The following CAD variants were observed in gnomAD, a reference collection of about 807,000 sequenced individuals.
CAD encodes the protein multifunctional protein CAD.
Under a neutral mutation model 237.2 loss-of-function variants are expected in CAD, and 81 were observed. The ratio of observed to expected loss-of-function variants is 0.34; its 90% confidence interval spans 0.29 to 0.41. The LOEUF is 0.41. Ranked by LOEUF, CAD falls within the 10% of genes least tolerant of loss-of-function variation. CAD has a pLI of 1.00. For missense variants in CAD, 2,181 were observed against 2,951.7 expected (o/e 0.74, Z 6.05); for synonymous variants, 1,196 against 1,162.8 (o/e 1.03, Z -0.58).
At chr2:27,226,707 T>C in intron 14 of CAD, 58 bp downstream of exon 14, 2 of 1,608,886 alleles carry the variant, frequency 1.2e-6, no homozygotes, top group Non-Finnish European at 1.7e-6. Flanking sequence ...GAGGAAAATA[T>C]TGATGGGACA....
Position 27,218,014 on chromosome 2 carries a change from A to G in CAD, c.220A>G (p.Lys74Glu). Residue 74 changes from lysine to glutamate, a missense_variant and splice_region_variant, in exon 2 of 44, where the codon AAG becomes GAG. Coordinates refer to ENST00000264705, the MANE Select transcript of CAD (RefSeq NM_004341.5). ...TGAAATGGATGAGTTCGGTCTCTGCAAGGTAGCCACACCCAGTGCTTTCTC... is the reference window on the plus strand; with the variant it reads ...TGAAATGGATGAGTTCGGTCTCTGCGAGGTAGCCACACCCAGTGCTTTCTC... ...PDEMDEFGLCKWFESSGIHVA... is the reference protein window; with the variant it reads ...PDEMDEFGLCEWFESSGIHVA... The G allele has an allele frequency of 6.3e-7, 1 of 1,598,602 alleles. No individual in the cohort carries two copies. The highest frequency in any genetic ancestry group is 1.1e-5 in the South Asian group (1 of 88,808).
In CAD at chr2:27,235,456, G is replaced by T; in HGVS notation, c.3969+29G>T. 6.2e-7 allele frequency: 1 copy of T among 1,608,158 alleles called. No homozygotes were observed. Among genetic ancestry groups the T allele is most frequent in the Non-Finnish European group, 8.5e-7 (1 of 1,175,716 alleles). ...TCAGAATCCAGGAGGGCTTCCCGAG[G>T]GCCGTGGCTCCCTGGGCCAGGGCTG... is the stretch of plus-strand genomic sequence containing the variant. On this transcript the variant is annotated intron_variant, in intron 24 of 43. Coordinates refer to ENST00000264705, the MANE Select transcript of CAD (RefSeq NM_004341.5). The surrounding 1 kb of genome is among the most constrained non-coding windows in gnomAD (Gnocchi z 5.2).
chr2:27,242,128 G>T lies in CAD; in HGVS notation c.6096+5G>T, dbSNP rs1309035847. 6.2e-7 allele frequency: 1 copy of T among 1,611,990 alleles called. No individual in the cohort carries two copies. The highest frequency in any genetic ancestry group is 8.5e-7 in the Non-Finnish European group (1 of 1,179,664). ...CCCCAGCCTGGAGCAGTGGAGGTGA[G>T]GCCAGCCTGGGTACTGAGATGGGGT... On this transcript the variant is annotated splice_donor_5th_base_variant and intron_variant, in intron 39 of 43. Coordinates refer to ENST00000264705, the MANE Select transcript of CAD (RefSeq NM_004341.5). The surrounding 1 kb of genome is among the most constrained non-coding windows in gnomAD (Gnocchi z 6.4).
Position 27,235,216 on chromosome 2 carries a change from G to C in CAD, c.3787-29G>C, listed in dbSNP as rs1343056256. ...AGGGAGGAGGTCCTCTCACACCTTG[G>C]CCCTCTCTCTTCCCTCCCGCCCCTT... is the stretch of plus-strand genomic sequence containing the variant. On this transcript the variant is annotated intron_variant, in intron 23 of 43. Coordinates refer to ENST00000264705, the MANE Select transcript of CAD (RefSeq NM_004341.5). This position sits in a 1 kb window ranked among gnomAD's most constrained non-coding sequence, Gnocchi z 5.2. 6.4e-7 allele frequency: 1 copy of C among 1,574,042 alleles called. No homozygotes were observed. The highest frequency in any genetic ancestry group is 8.6e-7 in the Non-Finnish European group (1 of 1,157,934).
In CAD at chr2:27,242,128, G is replaced by A; in HGVS notation, c.6096+5G>A. On this transcript the variant is annotated splice_donor_5th_base_variant and intron_variant, in intron 39 of 43. Transcript: ENST00000264705. The surrounding 1 kb of genome is among the most constrained non-coding windows in gnomAD (Gnocchi z 6.4). ...CCCCAGCCTGGAGCAGTGGAGGTGAGGCCAGCCTGGGTACTGAGATGGGGT... is the reference window on the plus strand; with the variant it reads ...CCCCAGCCTGGAGCAGTGGAGGTGAAGCCAGCCTGGGTACTGAGATGGGGT... 1 of 1,611,990 alleles carries A rather than the reference G, an allele frequency of 6.2e-7. No homozygotes were observed. Among genetic ancestry groups the A allele is most frequent in the Non-Finnish European group, 8.5e-7 (1 of 1,179,664 alleles).
At chr2:27,238,778 C>A in intron 31 of CAD, 146 bp downstream of exon 31, 1 of 743,462 alleles carries the variant, frequency 1.3e-6, no homozygotes, top group Non-Finnish European at 2.1e-6. Flanking sequence ...GGTACCTGGT[C>A]TGTGATAGGT....
Position 27,228,155 on chromosome 2 carries a change from C to A in CAD, c.2287+1193C>A, listed in dbSNP as rs1675534121. ...TACACTTGGTAAGAAATACTTAAGC[C>A]CCTAGAGTAAATAGTCAGAGGAGAT... On this transcript the variant is annotated intron_variant, in intron 15 of 43. Coordinates refer to ENST00000264705, the MANE Select transcript of CAD (RefSeq NM_004341.5). 5.3e-5 allele frequency among the ~76,000 whole-genome samples: 8 copies of A among 152,118 alleles called. No individual in the cohort carries two copies. The South Asian group carries it at 1.7e-3, about 32-fold the overall frequency.
chr2:27,230,125 C>T (rs1264435818), intron 15 of CAD, among the ~76,000 whole-genome samples: 2 of 152,158 alleles, frequency 1.3e-5, no homozygotes, highest in Admixed American at 1.3e-4. Flanking sequence ...GTAATCCCAG[C>T]TACTTGGGAG....
chr2:27,237,979 G>C lies in CAD; in HGVS notation c.4729-77G>C. Reference sequence around the variant, plus strand: ...CTGGTAGCAGTGAGGATTCAGGGGAGCTCCTGGGGACTCTGGGCTCTGATG... The same window carrying C: ...CTGGTAGCAGTGAGGATTCAGGGGACCTCCTGGGGACTCTGGGCTCTGATG... On this transcript the variant is annotated intron_variant, in intron 29 of 43. Transcript: ENST00000264705. The surrounding 1 kb of genome is among the most constrained non-coding windows in gnomAD (Gnocchi z 4.0). 6.3e-7 allele frequency: 1 copy of C among 1,585,556 alleles called. No homozygotes were observed. Among genetic ancestry groups the C allele is most frequent in the East Asian group, 2.2e-5 (1 of 44,546 alleles).
chr2:27,236,709 G>A lies in CAD; in HGVS notation c.4315-40G>A. On this transcript the variant is annotated intron_variant, in intron 26 of 43. Transcript: ENST00000264705. This position sits in a 1 kb window ranked among gnomAD's most constrained non-coding sequence, Gnocchi z 4.1. ...CCACATCTCTCCCTACAACTCCCAG[G>A]ATCACCCTTCCCTTAAAGCTGACTG... The A allele has an allele frequency of 6.3e-7, 1 of 1,599,814 alleles. No homozygotes were observed.
In CAD at chr2:27,237,224, A is replaced by G. The variant is rs780898087; in HGVS notation, c.4397-155A>G. 2.6e-5 allele frequency among the ~76,000 whole-genome samples: 4 copies of G among 151,926 alleles called. No homozygotes were observed. The highest frequency in any genetic ancestry group is 4.4e-5 in the Non-Finnish European group (3 of 67,976). On this transcript the variant is annotated intron_variant, in intron 27 of 43. Coordinates refer to ENST00000264705, the MANE Select transcript of CAD (RefSeq NM_004341.5). The surrounding 1 kb of genome is among the most constrained non-coding windows in gnomAD (Gnocchi z 4.0). ...TTTTTAGTAGAGACGGGGTTTCACCATGTTGGTCAGGTTGGTCTCGAACTC... is the reference window on the plus strand; with the variant it reads ...TTTTTAGTAGAGACGGGGTTTCACCGTGTTGGTCAGGTTGGTCTCGAACTC...
chr2:27,241,407 G>A lies in CAD; in HGVS notation c.5883+11G>A. The A allele has an allele frequency of 6.2e-7, 1 of 1,613,814 alleles. No individual in the cohort carries two copies. Among genetic ancestry groups the A allele is most frequent in the Non-Finnish European group, 8.5e-7 (1 of 1,179,642 alleles). On this transcript the variant is annotated intron_variant, in intron 38 of 43. Transcript: ENST00000264705. This position sits in a 1 kb window ranked among gnomAD's most constrained non-coding sequence, Gnocchi z 4.6. ...CTCGACATCCTGAAGGTCAGGATCA[G>A]GGCCGGGGGTAGGGTCCAGGCCATC...
In CAD at chr2:27,232,644, A is replaced by G; in HGVS notation, c.2842A>G (p.Ser948Gly). 1 of 1,614,154 alleles carries G rather than the reference A, an allele frequency of 6.2e-7. No individual in the cohort carries two copies. Among genetic ancestry groups the G allele is most frequent in the South Asian group, 1.1e-5 (1 of 91,086 alleles). The change falls in exon 18 of 44, where the codon AGC (serine) becomes GGC (glycine). Residue 948 changes from serine (S) to glycine (G), a missense_variant. Ser to Gly is a moderately conservative substitution (Grantham distance 56, BLOSUM62 0). Coordinates refer to ENST00000264705, the MANE Select transcript of CAD (RefSeq NM_004341.5). This position sits in a 1 kb window ranked among gnomAD's most constrained non-coding sequence, Gnocchi z 4.1. ...LGSGVYRIGS[S>G]VEFDWCAVGC... is the part of the protein sequence containing the mutation. Reference sequence around the variant, plus strand: ...CTCTGGCGTCTACCGTATTGGCTCTAGCGTTGAATTTGACTGGTGTGCTGT... The same window carrying G: ...CTCTGGCGTCTACCGTATTGGCTCTGGCGTTGAATTTGACTGGTGTGCTGT...
chr2:27,241,174 C>T lies in CAD; in HGVS notation c.5755C>T (p.His1919Tyr), dbSNP rs1186321337. The change falls in exon 37 of 44, where the codon CAC becomes TAC. Residue 1919 changes from histidine (H) to tyrosine (Y), a missense_variant. His to Tyr is a moderately conservative substitution (Grantham distance 83, BLOSUM62 2). Coordinates refer to ENST00000264705, the MANE Select transcript of CAD (RefSeq NM_004341.5). This position sits in a 1 kb window ranked among gnomAD's most constrained non-coding sequence, Gnocchi z 4.6. ...LLHPQTSPLL[H>Y]SLVGQHILSV... ...GCACCCCCAGACCTCACCCCTGCTG[C>T]ACTCATTAGTGGGCCAACATATCCT... 2 of 1,613,048 alleles carry T rather than the reference C, an allele frequency of 1.2e-6. No individual in the cohort carries two copies. The highest frequency in any genetic ancestry group is 2.2e-5 in the East Asian group (1 of 44,862).
chr2:27,225,508 G>T (rs1040723001), intron 11 of CAD, among the ~76,000 whole-genome samples, 197 bp from the exon 12 acceptor site: 12 of 151,730 alleles, frequency 7.9e-5, no homozygotes, highest in Non-Finnish European at 1.5e-4. Flanking sequence ...GTTTCTCCAT[G>T]TTGGTCAGGC....
In CAD at chr2:27,237,603, T is replaced by G. The variant is rs1421835118; in HGVS notation, c.4563+58T>G. 3 of 1,585,590 alleles carry G rather than the reference T, an allele frequency of 1.9e-6. No individual in the cohort carries two copies. Among genetic ancestry groups the G allele is most frequent in the Non-Finnish European group, 2.6e-6 (3 of 1,163,114 alleles). The stretch of plus-strand genomic sequence containing the variant: ...CCCATATGCCCCTACCAGCCACCCT[T>G]GCTTCCCTGAGCCCTTTTCCTTCTG... On this transcript the variant is annotated intron_variant, in intron 28 of 43. Transcript: ENST00000264705. The surrounding 1 kb of genome is among the most constrained non-coding windows in gnomAD (Gnocchi z 4.0).
chr2:27,228,002 C>G (rs1260823070), intron 15 of CAD, among the ~76,000 whole-genome samples: 2 of 152,164 alleles, frequency 1.3e-5, no homozygotes, highest in Non-Finnish European at 2.9e-5. Flanking sequence ...TAACAAATCT[C>G]AAAATAAAAA....
At chr2:27,222,752 G>A in intron 5 of CAD, 92 bp downstream of exon 5, 2 of 1,576,776 alleles carry the variant, frequency 1.3e-6, no homozygotes, top group Non-Finnish European at 1.7e-6. Context: ...AGTAGGAGTT[G>A]CAGTGAAGAA....
In CAD at chr2:27,232,094, C is replaced by T. The variant is rs771348417; in HGVS notation, c.2515C>T (p.Arg839Ter). 1.9e-6 allele frequency: 3 copies of T among 1,614,224 alleles called. No homozygotes were observed. The highest frequency in any genetic ancestry group is 2.2e-5 in the East Asian group (1 of 44,884). ...ACGCATCGACCGCTGGTTCCTGCAC[C>T]GAATGAAGCGTATCATCGCACATGC... ...LTRIDRWFLH[R>*]MKRIIAHAQL... The change falls in exon 17 of 44, where the codon CGA becomes TGA. Residue 839 changes from arginine (R) to a stop codon, truncating the protein, a stop_gained. Transcript: ENST00000264705. LOFTEE classifies it high-confidence loss of function. The surrounding 1 kb of genome is among the most constrained non-coding windows in gnomAD (Gnocchi z 4.1).
Sources: allele counts gnomAD v4.1 joint callset (sites outside exome capture counted in the v4.1 genomes callset), GRCh38; gene constraint gnomAD v4.1.1; non-coding constraint Gnocchi (gnomAD v3.1); transcripts MANE v1.5; gene names NCBI Gene and HGNC (gene_info 2026-07-23, HGNC 2026-07-21).